The following TCTN3 variants were observed in gnomAD, a reference collection of about 807,000 sequenced individuals.
The protein encoded by TCTN3 is tectonic family member 3, also known as tectonic-3.
In TCTN3, 57 loss-of-function variants were observed where a neutral mutation model predicts 71.3. The ratio of observed to expected loss-of-function variants is 0.80; its 90% confidence interval spans 0.65 to 1.00. The LOEUF (loss-of-function observed/expected upper bound fraction) is 1.00. TCTN3 is among the 50% of genes least tolerant of loss of function. The probability of loss-of-function intolerance (pLI) is 0.00; values close to 1 mark genes in which losing one functional copy is unlikely to be tolerated. For synonymous variants in TCTN3, 258 were observed against 267.8 expected (o/e 0.96, Z 0.36); for missense variants, 696 against 719.9 (o/e 0.97, Z 0.38).
chr10:95,678,182 C>T (rs2097939274), intron 13 of TCTN3, among the ~76,000 whole-genome samples: 1 of 152,130 alleles, frequency 6.6e-6, no homozygotes, highest in East Asian at 1.9e-4. Context: ...ATTTTAAAAG[C>T]TTTGGAAGAT....
intron 10 of TCTN3, 49 bp from the exon 11 acceptor site, chr10:95,683,244 G>A (rs775289820): frequency 6.4e-7 from 1 of 1,568,264 alleles, no homozygotes; most frequent in Non-Finnish European, 8.7e-7. Flanking sequence ...AAAAAAAAAG[G>A]AGGCAGCATT....
At chr10:95,680,067 T>C (rs1277934072) in intron 13 of TCTN3, among the ~76,000 whole-genome samples, 2 of 152,212 alleles carry the variant, frequency 1.3e-5, no homozygotes, top group Admixed American at 1.3e-4. Context: ...AGCTGGTAAC[T>C]ATAAACTAGT....
rs749163058 is a variant in TCTN3, at chr10:95,666,676, C to A, written c.1591-2376G>T. On this transcript the variant is annotated intron_variant, in intron 13 of 13. Transcript: ENST00000371217. The stretch of plus-strand genomic sequence containing the variant: ...GTGAGAAATACTTTGGGATGGGAAA[C>A]GGAATAGGGAATGATTTTTCAGCTA... Among the ~76,000 whole-genome samples, 4 of 152,184 alleles carry A rather than the reference C, an allele frequency of 2.6e-5. No homozygotes were observed. In the East Asian group the frequency reaches 7.7e-4, roughly 29 times the overall value.
In TCTN3 at chr10:95,679,503, ATC is replaced by A. The variant is rs563716330; in HGVS notation, c.1590+967_1590+968del. 6.6e-5 allele frequency among the ~76,000 whole-genome samples: 10 copies of A among 151,664 alleles called. No individual in the cohort carries two copies. In the South Asian group the frequency reaches 1.0e-3, roughly 16 times the overall value. ...TACAGTGCAACAGGTAAGAATTTAA[ATC>A]TGTTTGATTTTCATTATAAGTTACT... On this transcript the variant is annotated intron_variant, in intron 13 of 13. Coordinates refer to ENST00000371217, the MANE Select transcript of TCTN3 (RefSeq NM_015631.6).
At position 95,669,422 on chromosome 10, in the gene TCTN3, C is replaced by A. The variant is rs553801316; in HGVS notation, c.1591-5122G>T. On this transcript the variant is annotated intron_variant, in intron 13 of 13. Coordinates refer to ENST00000371217, the MANE Select transcript of TCTN3 (RefSeq NM_015631.6). ...GGATCCTTGACTCCTTCCCCCTCAACCTCCACATCTACATAGCCAAGTCTT... is the reference window on the plus strand; with the variant it reads ...GGATCCTTGACTCCTTCCCCCTCAAACTCCACATCTACATAGCCAAGTCTT... Among the ~76,000 whole-genome samples the A allele has an allele frequency of 9.2e-5, 14 of 152,296 alleles. 1 individual carries two copies. The highest frequency in any genetic ancestry group is 7.8e-4 in the Admixed American group (12 of 15,294).
rs150312385 is a variant in TCTN3 at position 95,691,808 on chromosome 10, T to C, written c.499+1112A>G. The stretch of plus-strand genomic sequence containing the variant: ...CAATAATAATAACCTCTAATCTTTA[T>C]TGTACTCTACAGTTGTAGAGCGCTT... On this transcript the variant is annotated intron_variant, in intron 3 of 13. Coordinates refer to ENST00000371217, the MANE Select transcript of TCTN3 (RefSeq NM_015631.6). Among the ~76,000 whole-genome samples the C allele has an allele frequency of 3.3e-3, 504 of 152,342 alleles. 2 individuals carry two copies. The highest frequency in any genetic ancestry group is 0.011 in the African/African-American group (475 of 41,572).
chr10:95,663,832 G>C lies in TCTN3; in HGVS notation c.*235C>G, dbSNP rs2097923701. The C allele has an allele frequency of 2.2e-6, 1 of 447,372 alleles. No homozygotes were observed. The highest frequency in any genetic ancestry group is 2.0e-5 in the African/African-American group (1 of 50,844). The allele number at this position is 447,372 out of a possible 1,614,324, so 27.7% of individuals were successfully genotyped here. The stretch of plus-strand genomic sequence containing the variant: ...TGGCCTTCCCAGCTTGAGAAGTAGG[G>C]GCCTCATGTGTATCTGGTGGCCTGC... On this transcript the variant is annotated 3_prime_UTR_variant, in exon 14 of 14. Transcript: ENST00000371217.
Position 95,677,493 on chromosome 10 carries a change from T to TTG in TCTN3, c.1590+2978_1590+2979insCA, listed in dbSNP as rs1566068663. ...TCTACAGTTTTTTTTGTTTTTTTTT[T>TTG]TTTTTTTTGCTGTATTTTCCCTCTA... On this transcript the variant is annotated intron_variant, in intron 13 of 13. Coordinates refer to ENST00000371217, the MANE Select transcript of TCTN3 (RefSeq NM_015631.6). 2.1e-3 allele frequency among the ~76,000 whole-genome samples: 319 copies of TTG among 149,030 alleles called. 9 individuals are homozygous for TTG. In the East Asian group the frequency reaches 0.046, roughly 22 times the overall value.
intron 13 of TCTN3, among the ~76,000 whole-genome samples, chr10:95,673,565 A>G (rs1718085909): frequency 6.6e-6 from 1 of 151,388 alleles, no homozygotes; most frequent in Admixed American, 6.6e-5. Context: ...TTTTTTTTTC[A>G]GGGCAGGTGG....
chr10:95,680,651 G>A lies in TCTN3; in HGVS notation c.1453-42C>T. On this transcript the variant is annotated intron_variant, in intron 12 of 13. Coordinates refer to ENST00000371217, the MANE Select transcript of TCTN3 (RefSeq NM_015631.6). ...AAGCATCTGCTTGAATTGCCTGATG[G>A]TTGCCTATAGTCAATCACCAAGTAC... The A allele has an allele frequency of 2.5e-6, 4 of 1,598,708 alleles. No individual in the cohort carries two copies. In the Admixed American group the frequency reaches 6.9e-5, roughly 27 times the overall value.
In TCTN3 at chr10:95,693,636, TCCCTCA is replaced by T. The variant is rs1224169161; in HGVS notation, c.256+2_256+7del. ...GTAAGTTTCCACCCCCACAACGTTTTCCCTCACCTGGGAAGAGGTCCACAGTCCTAT... is the reference window on the plus strand; with the variant it reads ...GTAAGTTTCCACCCCCACAACGTTTTCCTGGGAAGAGGTCCACAGTCCTAT... On this transcript the variant is annotated splice_donor_variant and splice_donor_5th_base_variant and intron_variant, in intron 1 of 13. Coordinates refer to ENST00000371217, the MANE Select transcript of TCTN3 (RefSeq NM_015631.6). LOFTEE classifies it high-confidence loss of function. The T allele has an allele frequency of 8.4e-6, 13 of 1,549,184 alleles. No homozygotes were observed. The highest frequency in any genetic ancestry group is 1.7e-4 in the Middle Eastern group (1 of 5,996).
intron 2 of TCTN3, 103 bp from the exon 3 acceptor site, chr10:95,693,141 T>G: frequency 8.3e-7 from 1 of 1,201,550 alleles, no homozygotes; most frequent in South Asian, 1.4e-5. Flanking sequence ...AGAGGACTCC[T>G]TGGGCACCTA....
rs748640238 is a variant in TCTN3 at position 95,685,565 on chromosome 10, T to G, written c.960A>C (p.Val320=). Reference sequence around the variant, plus strand: ...AGGTCAGTATCCCTACCTGAGAAACTACATTCTGACAAGTGTTTCCAGCCA... The same window carrying G: ...AGGTCAGTATCCCTACCTGAGAAACGACATTCTGACAAGTGTTTCCAGCCA... ...PLLAGNTCQN[V]VSQVTYEIET... is the part of the protein sequence containing the mutation. The change falls in exon 8 of 14, where the codon GTA becomes GTC. Residue 320 remains valine (V), a synonymous_variant. Transcript: ENST00000371217. The G allele has an allele frequency of 3.9e-6, 6 of 1,551,100 alleles. No individual in the cohort carries two copies. The highest frequency in any genetic ancestry group is 1.4e-5 in the African/African-American group (1 of 73,032).
intron 13 of TCTN3, among the ~76,000 whole-genome samples, chr10:95,673,866 C>A (rs1170976783): frequency 6.6e-6 from 1 of 152,138 alleles, no homozygotes; most frequent in East Asian, 1.9e-4. Flanking sequence ...TAGATACATA[C>A]TTTTTAAAAT....
At chr10:95,685,233 G>C (rs1462094283) in intron 8 of TCTN3, among the ~76,000 whole-genome samples, 1 of 152,214 alleles carries the variant, frequency 6.6e-6, no homozygotes, top group African/African-American at 2.4e-5. Context: ...AGAGGTGTCA[G>C]AAATAATTTT....
chr10:95,677,474 G>GTTTTTTTTTTTTTTTTTTTTTTTTTTTTT lies in TCTN3; in HGVS notation c.1590+2997_1590+2998insAAAAAAAAAAAAAAAAAAAAAAAAAAAAA, dbSNP rs10654251. ...ATACAAGAAGATAGTGAAGTCTACA[G>GTTTTTTTTTTTTTTTTTTTTTTTTTTTTT]TTTTTTTTGTTTTTTTTTTTTTTTT... On this transcript the variant is annotated intron_variant, in intron 13 of 13. Coordinates refer to ENST00000371217, the MANE Select transcript of TCTN3 (RefSeq NM_015631.6). 1.6e-4 allele frequency among the ~76,000 whole-genome samples: 13 copies of GTTTTTTTTTTTTTTTTTTTTTTTTTTTTT among 80,736 alleles called. 2 individuals are homozygous for GTTTTTTTTTTTTTTTTTTTTTTTTTTTTT. The highest frequency in any genetic ancestry group is 2.1e-4 in the Non-Finnish European group (7 of 33,262). 53.0% of individuals were successfully genotyped at this position (80,736 alleles called of 152,430 possible).
At chr10:95,671,840 C>T (rs545222087) in intron 13 of TCTN3, among the ~76,000 whole-genome samples, 2 of 152,190 alleles carry the variant, frequency 1.3e-5, no homozygotes, top group Non-Finnish European at 2.9e-5. Flanking sequence ...AGGTGATCCG[C>T]CCGCCTTGGT....
intron 12 of TCTN3, 41 bp downstream of exon 12, chr10:95,682,610 T>TA (rs749248803): frequency 1.3e-6 from 2 of 1,587,400 alleles, no homozygotes; most frequent in Non-Finnish European, 1.7e-6. Flanking sequence ...TACAAAGGGG[T>TA]AAAAATGAGT....
intron 3 of TCTN3, among the ~76,000 whole-genome samples, chr10:95,691,498 T>C (rs2097953489): frequency 6.6e-6 from 1 of 152,120 alleles, no homozygotes; most frequent in African/African-American, 2.4e-5. Context: ...CCCTTTACCC[T>C]ATTACCATCT....
Sources: allele counts gnomAD v4.1 joint callset (sites outside exome capture counted in the v4.1 genomes callset), GRCh38; gene constraint gnomAD v4.1.1; transcripts MANE v1.5; gene names NCBI Gene and HGNC (gene_info 2026-07-23, HGNC 2026-07-21).